Variants in DNAH9 observed in about 807,000 individuals in gnomAD.
The protein encoded by DNAH9 is dynein axonemal heavy chain 9, also known as DNAH9 variant protein.
DNAH9 carries 345 observed loss-of-function variants against 471.6 expected under a neutral mutation model. That is an observed-to-expected ratio of 0.73 (90% CI 0.67 to 0.80). The LOEUF (loss-of-function observed/expected upper bound fraction) is 0.80. Ranked by LOEUF, DNAH9 falls within the 30% of genes least tolerant of loss-of-function variation. The pLI is 0.00. For synonymous variants in DNAH9, 2,093 were observed against 2,123.6 expected, an observed-to-expected ratio of 0.99 and a Z score of 0.40; for missense variants, 5,407 against 5,609.2, an observed-to-expected ratio of 0.96 and a Z score of 1.15.
chr17:11,619,199 A>G (rs1195856981), intron 5 of DNAH9, among the ~76,000 whole-genome samples: 3 of 152,152 alleles, frequency 2.0e-5, no homozygotes, highest in Non-Finnish European at 4.4e-5. Flanking sequence ...TTATGGTCCA[A>G]ATAATTCTTG....
chr17:11,877,915 T>C (rs1972565475), intron 53 of DNAH9, among the ~76,000 whole-genome samples: 2 of 152,138 alleles, frequency 1.3e-5, no homozygotes, highest in Non-Finnish European at 1.5e-5. Flanking sequence ...TTTGTATTTT[T>C]TGTAGAGACA....
chr17:11,883,037 G>A (rs1346124137), intron 55 of DNAH9: 7 of 986,332 alleles, frequency 7.1e-6, no homozygotes, highest in South Asian at 4.7e-5. Flanking sequence ...TTAGGATATG[G>A]AGCATAAAGA....
chr17:11,681,545 A>G (rs373520781), intron 19 of DNAH9, among the ~76,000 whole-genome samples: 29 of 152,272 alleles, frequency 1.9e-4, no homozygotes, highest in African/African-American at 5.3e-4. Context: ...CTGGAGCTCA[A>G]TGGTCCTACA....
chr17:11,806,725 A>G (rs1313341121), intron 43 of DNAH9, among the ~76,000 whole-genome samples: 1 of 152,222 alleles, frequency 6.6e-6, no homozygotes, highest in Admixed American at 6.5e-5. Context: ...AGAAGGGCCT[A>G]TAATTCACAT....
intron 29 of DNAH9, among the ~76,000 whole-genome samples, chr17:11,739,645 G>A (rs562431098): frequency 2.6e-5 from 4 of 152,264 alleles, no homozygotes; most frequent in East Asian, 1.9e-4. Context: ...TACACTCCTC[G>A]TAGCGACGCA....
chr17:11,894,403 A>G lies in DNAH9; in HGVS notation c.11313A>G (p.Ala3771=). 3 of 1,614,160 alleles carry G rather than the reference A, an allele frequency of 1.9e-6. No individual in the cohort carries two copies. The highest frequency in any genetic ancestry group is 2.5e-6 in the Non-Finnish European group (3 of 1,180,016). Residue 3771 remains alanine (A), a synonymous_variant, in exon 59 of 69, where the codon GCA becomes GCG. Coordinates refer to ENST00000262442, the MANE Select transcript of DNAH9 (RefSeq NM_001372.4). The part of the protein sequence containing the change: ...QILLMNREVN[A]VELDFLLRSP... Reference sequence around the variant, plus strand: ...TCCTCATGAACCGAGAAGTCAATGCAGTGGAGTTGGATTTCCTGCTTCGAT... The same window carrying G: ...TCCTCATGAACCGAGAAGTCAATGCGGTGGAGTTGGATTTCCTGCTTCGAT...
intron 10 of DNAH9, among the ~76,000 whole-genome samples, chr17:11,641,965 A>G (rs2150687224): frequency 6.6e-6 from 1 of 151,924 alleles, no homozygotes; most frequent in Non-Finnish European, 1.5e-5. Flanking sequence ...CTGCCTCCGT[A>G]CCCCTACATC....
intron 57 of DNAH9, among the ~76,000 whole-genome samples, chr17:11,887,988 G>GTTT (rs548088382): frequency 7.0e-6 from 1 of 143,780 alleles, no homozygotes; most frequent in South Asian, 2.2e-4. Flanking sequence ...ATGGTTTTTT[G>GTTT]TTTTTTTTTT....
chr17:11,847,212 A>G (rs1236667456), intron 49 of DNAH9, among the ~76,000 whole-genome samples: 1 of 152,116 alleles, frequency 6.6e-6, no homozygotes, highest in Non-Finnish European at 1.5e-5. Flanking sequence ...CTTTAGTTTA[A>G]TTAGATCTCA....
chr17:11,602,832 C>T (rs1279202034), intron 1 of DNAH9, among the ~76,000 whole-genome samples: 1 of 152,154 alleles, frequency 6.6e-6, no homozygotes, highest in Non-Finnish European at 1.5e-5. Context: ...CAATTTTATG[C>T]ACCTCCTTCT....
At chr17:11,846,777 G>A (rs1235830810) in intron 49 of DNAH9, among the ~76,000 whole-genome samples, 2 of 138,584 alleles carry the variant, frequency 1.4e-5, no homozygotes, top group African/African-American at 2.7e-5. Context: ...TTGTGAATGG[G>A]AGTTCACTCA....
At chr17:11,846,355 G>T (rs1326902090) in intron 49 of DNAH9, among the ~76,000 whole-genome samples, 1 of 149,782 alleles carries the variant, frequency 6.7e-6, no homozygotes, top group Non-Finnish European at 1.5e-5. Flanking sequence ...CTGTTCCATT[G>T]ATCTATATCT....
chr17:11,913,911 T>A (rs1197698881), intron 61 of DNAH9, among the ~76,000 whole-genome samples: 1 of 152,224 alleles, frequency 6.6e-6, no homozygotes, highest in Non-Finnish European at 1.5e-5. Context: ...GCTATGTCTT[T>A]GTTTTTGCAT....
Position 11,902,887 on chromosome 17 carries a change from C to T in DNAH9, c.11575C>T (p.Pro3859Ser), listed in dbSNP as rs772767396. 4 of 1,613,512 alleles carry T rather than the reference C, an allele frequency of 2.5e-6. No homozygotes were observed. Among genetic ancestry groups the T allele is most frequent in the Non-Finnish European group, 3.4e-6 (4 of 1,179,840 alleles). The change falls in exon 60 of 69, where the codon CCC becomes TCC. Residue 3859 changes from proline (P) to serine (S), a missense_variant. By Grantham distance (74) the Pro-to-Ser change is moderately conservative. Around this residue, in one of 3 missense-constraint regions of DNAH9, gnomAD observed 4,636 missense variants for 4,900.3 expected, o/e 0.95. Transcript: ENST00000262442. ...CCTCTGCATGCTGAGAGCCATGCGG[C>T]CCGACCGGATGACCTATGCTTTGCG... Reference protein sequence around the residue: ...QRLCMLRAMRPDRMTYALRDF... With the variant: ...QRLCMLRAMRSDRMTYALRDF...
chr17:11,862,625 C>T (rs886431378), intron 50 of DNAH9, among the ~76,000 whole-genome samples: 5 of 152,100 alleles, frequency 3.3e-5, no homozygotes, highest in Non-Finnish European at 7.3e-5. Context: ...TGGCCATTTT[C>T]ACGATATTAA....
chr17:11,672,038 T>G (rs2073980912), intron 17 of DNAH9, among the ~76,000 whole-genome samples: 1 of 152,234 alleles, frequency 6.6e-6, no homozygotes, highest in African/African-American at 2.4e-5. Flanking sequence ...TCTGGAGGAT[T>G]CGATAAAATA....
rs138232822 is a variant in DNAH9 at position 11,720,397 on chromosome 17, G to A, written c.5709+907G>A. On this transcript the variant is annotated intron_variant, in intron 27 of 68. Coordinates refer to ENST00000262442, the MANE Select transcript of DNAH9 (RefSeq NM_001372.4). The stretch of plus-strand genomic sequence containing the variant: ...GTATCTCCTAATGCTATCCCTCCCC[G>A]CTTCCCCCACCCCACGACAGGCCCT... Among the ~76,000 whole-genome samples, 1,152 of 151,744 alleles carry A rather than the reference G, an allele frequency of 7.6e-3. 17 individuals carry two copies. The highest frequency in any genetic ancestry group is 0.026 in the African/African-American group (1,086 of 41,374).
At chr17:11,650,981 C>T (rs562441525) in intron 12 of DNAH9, 88 bp from the exon 13 acceptor site, 9 of 1,357,286 alleles carry the variant, frequency 6.6e-6, no homozygotes, top group East Asian at 4.6e-5. Flanking sequence ...GATCTTTGGG[C>T]CTCCTGGGAT....
At chr17:11,686,250 G>C (rs1332431680) in intron 19 of DNAH9, among the ~76,000 whole-genome samples, 1 of 152,034 alleles carries the variant, frequency 6.6e-6, no homozygotes, top group Non-Finnish European at 1.5e-5. Context: ...CTCACATCTG[G>C]GTCAGGCCTG....
Sources: allele counts gnomAD v4.1 joint callset (sites outside exome capture counted in the v4.1 genomes callset), GRCh38; gene constraint gnomAD v4.1.1; regional missense constraint gnomAD v4.1.1; transcripts MANE v1.5; gene names NCBI Gene and HGNC (gene_info 2026-07-23, HGNC 2026-07-21).